GNRHR: variants seen among roughly 807,000 people sequenced by gnomAD.
The protein encoded by GNRHR is gonadotropin-releasing hormone receptor.
Under a neutral mutation model 28.1 loss-of-function variants are expected in GNRHR, and 14 were observed. The observed-to-expected ratio is 0.50, with a 90% CI of 0.33 to 0.78. The LOEUF is 0.78. GNRHR is among the 30% of genes least tolerant of loss of function. The pLI, the probability that GNRHR is intolerant of heterozygous loss-of-function variation, is 0.02. For synonymous variants in GNRHR, 141 were observed against 140.5 expected, an observed-to-expected ratio of 1.00 and a Z score of -0.02; for missense variants, 366 against 382.1, an observed-to-expected ratio of 0.96 and a Z score of 0.35.
At chr4:67,743,405 A>G (rs1412724720) in intron 2 of GNRHR, among the ~76,000 whole-genome samples, 1 of 152,192 alleles carries the variant, frequency 6.6e-6, no homozygotes, top group Admixed American at 6.5e-5. Context: ...TTGAAACATC[A>G]TCACAGTTGA....
At position 67,753,539 on chromosome 4, in the gene GNRHR, T is replaced by C. The variant is rs948201742; in HGVS notation, c.522+275A>G. ...AGCATTTGCTACATAATAGAGATTA[T>C]GTGAGCTACTTTATTTATTTATTCA... On this transcript the variant is annotated intron_variant, in intron 1 of 2. Transcript: ENST00000226413. 4.3e-5 allele frequency: 19 copies of C among 441,302 alleles called. No individual in the cohort carries two copies. The Admixed American group carries it at 6.7e-4, about 16-fold the overall frequency. 27.3% of individuals were successfully genotyped at this position (441,302 alleles called of 1,614,324 possible). A position where few individuals can be genotyped will look rare whatever the true frequency, so the allele number is the denominator to read the frequency against.
chr4:67,737,417 G>A lies in GNRHR; in HGVS notation c.*3063C>T, dbSNP rs1342965501. On this transcript the variant is annotated 3_prime_UTR_variant, in exon 3 of 3. Transcript: ENST00000226413. ...TTTCTTTTATTCATATGAGCACAAT[G>A]TATAGTAATTAGAGAAGCCCAAGGC... Among the ~76,000 whole-genome samples, 2 of 151,852 alleles carry A rather than the reference G, an allele frequency of 1.3e-5. No individual in the cohort carries two copies. The highest frequency in any genetic ancestry group is 2.1e-4 in the South Asian group (1 of 4,816).
At chr4:67,750,646 G>A (rs1034196771) in intron 1 of GNRHR, among the ~76,000 whole-genome samples, 1 of 151,892 alleles carries the variant, frequency 6.6e-6, no homozygotes, top group Non-Finnish European at 1.5e-5. Context: ...CTGAGCTGAG[G>A]CAAAATGTCA....
chr4:67,740,838 C>T, intron 2 of GNRHR, 114 bp from the exon 3 acceptor site: 1 of 758,836 alleles, frequency 1.3e-6, no homozygotes. Flanking sequence ...AGAAAATTTC[C>T]ATTATTTTAA....
chr4:67,747,652 A>G (rs185112280), intron 1 of GNRHR, among the ~76,000 whole-genome samples: 10 of 152,270 alleles, frequency 6.6e-5, no homozygotes, highest in Non-Finnish European at 1.5e-4. Context: ...GAAACTTTCA[A>G]TTAGCAATGA....
rs968896789 is a variant in GNRHR, at chr4:67,738,216, T to C, written c.*2264A>G. Among the ~76,000 whole-genome samples, 1 of 151,828 alleles carries C rather than the reference T, an allele frequency of 6.6e-6. No homozygotes were observed. Among genetic ancestry groups the C allele is most frequent in the African/African-American group, 2.4e-5 (1 of 41,414 alleles). ...AATAGATTATGTTATATTTTTATTGTAATAGATTTCTTTATATATATACAA... is the reference window on the plus strand; with the variant it reads ...AATAGATTATGTTATATTTTTATTGCAATAGATTTCTTTATATATATACAA... On this transcript the variant is annotated 3_prime_UTR_variant, in exon 3 of 3. Coordinates refer to ENST00000226413, the MANE Select transcript of GNRHR (RefSeq NM_000406.3).
At chr4:67,749,768 A>G (rs1353467287) in intron 1 of GNRHR, among the ~76,000 whole-genome samples, 1 of 151,044 alleles carries the variant, frequency 6.6e-6, no homozygotes, top group African/African-American at 2.4e-5. Flanking sequence ...CAAGACTTGA[A>G]TTACTGTGCT....
Position 67,753,830 on chromosome 4 carries a change from A to C in GNRHR, c.506T>G (p.Val169Gly), listed in dbSNP as rs1168785414. The change falls in exon 1 of 3, where the codon GTC becomes GGC. Residue 169 changes from valine to glycine, a missense_variant. Coordinates refer to ENST00000226413, the MANE Select transcript of GNRHR (RefSeq NM_000406.3). The stretch of plus-strand genomic sequence containing the variant: ...ATGGCTTACCTGTGGTCCTGCAAAG[A>C]CACTACTGAGGATCCAGGCCAGGCC... ...MVGLAWILSS[V>G]FAGPQLYIFR... 1 of 1,613,454 alleles carries C rather than the reference A, an allele frequency of 6.2e-7. No individual in the cohort carries two copies. The highest frequency in any genetic ancestry group is 1.1e-5 in the South Asian group (1 of 91,006).
Position 67,754,283 on chromosome 4 carries a change from T to C in GNRHR, c.53A>G (p.Asn18Ser), listed in dbSNP as rs774317793. The C allele has an allele frequency of 3.1e-5, 50 of 1,613,054 alleles. No homozygotes were observed. In the Admixed American group the frequency reaches 8.2e-4, roughly 26 times the overall value. Residue 18 changes from asparagine (N) to serine (S), a missense_variant, in exon 1 of 3, where the codon AAC becomes AGC. Coordinates refer to ENST00000226413, the MANE Select transcript of GNRHR (RefSeq NM_000406.3). ...EQNQNHCSAI[N>S]NSIPLMQGNL... ...GCCCTGCATCAGTGGGATGCTGTTG[T>C]TGATGGCTGAACAGTGATTTTGATT...
At chr4:67,742,376 T>G (rs560485977) in intron 2 of GNRHR, among the ~76,000 whole-genome samples, 1 of 152,238 alleles carries the variant, frequency 6.6e-6, no homozygotes, top group South Asian at 2.1e-4. Flanking sequence ...TTATGTTCAC[T>G]GAGTATCTCT....
intron 2 of GNRHR, among the ~76,000 whole-genome samples, chr4:67,744,067 A>ATG (rs1731711202): frequency 6.6e-6 from 1 of 151,746 alleles, no homozygotes; most frequent in Non-Finnish European, 1.5e-5. Flanking sequence ...GTACAAACAC[A>ATG]TGTGTGAAGT....
chr4:67,742,063 C>T (rs749760350), intron 2 of GNRHR, among the ~76,000 whole-genome samples: 3 of 151,816 alleles, frequency 2.0e-5, no homozygotes, highest in Non-Finnish European at 4.4e-5. Context: ...TAATGAAGTC[C>T]CATCTATTTA....
intron 1 of GNRHR, among the ~76,000 whole-genome samples, chr4:67,749,392 T>C (rs549111971): frequency 6.6e-6 from 1 of 152,274 alleles, no homozygotes; most frequent in South Asian, 2.1e-4. Context: ...GTGATAAGCT[T>C]AACACAGATA....
In GNRHR at chr4:67,754,231, T is replaced by G; in HGVS notation, c.105A>C (p.Gly35=). 6.2e-7 allele frequency: 1 copy of G among 1,613,938 alleles called. No homozygotes were observed. The highest frequency in any genetic ancestry group is 1.7e-5 in the Admixed American group (1 of 60,026). The stretch of plus-strand genomic sequence containing the variant: ...AGAAAGTAACCGTCACTCGGATCTT[T>G]CCAGACAAGGTCAGAGTGGGGAGGT... ...QGNLPTLTLS[G]KIRVTVTFFL... Residue 35 remains glycine (G), a synonymous_variant, in exon 1 of 3, where the codon GGA becomes GGC. Coordinates refer to ENST00000226413, the MANE Select transcript of GNRHR (RefSeq NM_000406.3).
intron 2 of GNRHR, among the ~76,000 whole-genome samples, chr4:67,743,265 G>A (rs1387485614): frequency 1.3e-5 from 2 of 152,008 alleles, no homozygotes; most frequent in African/African-American, 2.4e-5. Context: ...ACACACTATC[G>A]TTTAATCCTC....
chr4:67,745,871 A>G (rs550111080), intron 1 of GNRHR, among the ~76,000 whole-genome samples: 3 of 152,192 alleles, frequency 2.0e-5, no homozygotes, highest in African/African-American at 7.2e-5. Context: ...CCCAACTGAG[A>G]GACATTTTAC....
At chr4:67,749,081 A>G (rs3822196) in intron 1 of GNRHR, among the ~76,000 whole-genome samples, 34,330 of 152,106 alleles carry the variant, frequency 0.23, 4,169 homozygotes, top group Middle Eastern at 0.3. Context: ...ATTTATCATC[A>G]TCAACATTAT....
Position 67,743,482 on chromosome 4 carries a change from G to A in GNRHR, c.742+1086C>T, listed in dbSNP as rs563141773. On this transcript the variant is annotated intron_variant, in intron 2 of 2. Coordinates refer to ENST00000226413, the MANE Select transcript of GNRHR (RefSeq NM_000406.3). Reference sequence around the variant, plus strand: ...CTCCATGAAAGCAGGATACTTACTAGGTTTTTCTTATTCACCATGGTATCC... The same window carrying A: ...CTCCATGAAAGCAGGATACTTACTAAGTTTTTCTTATTCACCATGGTATCC... 3.3e-5 allele frequency among the ~76,000 whole-genome samples: 5 copies of A among 152,168 alleles called. No homozygotes were observed. In the East Asian group the frequency reaches 9.6e-4, roughly 29 times the overall value.
intron 1 of GNRHR, among the ~76,000 whole-genome samples, chr4:67,753,166 T>A (rs1223137332): frequency 6.6e-6 from 1 of 152,196 alleles, no homozygotes; most frequent in South Asian, 2.1e-4. Flanking sequence ...CTCAATAAGC[T>A]GCCTCCAGCA....
Sources: allele counts gnomAD v4.1 joint callset (sites outside exome capture counted in the v4.1 genomes callset), GRCh38; gene constraint gnomAD v4.1.1; transcripts MANE v1.5; gene names NCBI Gene and HGNC (gene_info 2026-07-23, HGNC 2026-07-21).